The following BRCA1 variants were observed in gnomAD, a reference collection of about 807,000 sequenced individuals.
BRCA1 encodes the protein breast cancer type 1 susceptibility protein.
Under a neutral mutation model 173.7 loss-of-function variants are expected in BRCA1, and 140 were observed. That is an observed-to-expected ratio of 0.81 (90% confidence interval 0.70 to 0.93). BRCA1 has a LOEUF of 0.93. Ranked by LOEUF, BRCA1 falls within the 40% of genes least tolerant of loss-of-function variation. The pLI, the probability that BRCA1 is intolerant of heterozygous loss-of-function variation, is 0.00. For synonymous variants in BRCA1, 662 were observed against 756.0 expected, an observed-to-expected ratio of 0.88 and a Z score of 2.04; for missense variants, 1,983 against 2,172.5, an observed-to-expected ratio of 0.91 and a Z score of 1.73.
intron 19 of BRCA1, among the ~76,000 whole-genome samples, chr17:43,051,331 A>T (rs1360857148): frequency 6.6e-6 from 1 of 152,206 alleles, no homozygotes; most frequent in Non-Finnish European, 1.5e-5. Flanking sequence ...ATCTTCTTGA[A>T]GTGCATATGT....
intron 11 of BRCA1, 139 bp from the exon 12 acceptor site, chr17:43,082,714 C>G: frequency 1.1e-6 from 1 of 899,978 alleles, no homozygotes; most frequent in African/African-American, 1.7e-5. Context: ...AGCTGAACAC[C>G]TTTTAATCTA....
At chr17:43,067,768 C>T (rs2153724295) in intron 15 of BRCA1, 73 bp from the exon 16 acceptor site, 10 of 1,159,712 alleles carry the variant, frequency 8.6e-6, no homozygotes, top group Middle Eastern at 2.5e-4. Context: ...GTTATTCCAC[C>T]ATGGCATATG....
intron 19 of BRCA1, among the ~76,000 whole-genome samples, chr17:43,051,441 G>A (rs1297778158): frequency 6.6e-6 from 1 of 152,138 alleles, no homozygotes; most frequent in Non-Finnish European, 1.5e-5. Flanking sequence ...GATCTCTGCA[G>A]GTGCTTTAAC....
At chr17:43,128,297 G>A (rs1272952966), upstream of BRCA1, among the ~76,000 whole-genome samples, 5 of 151,424 alleles carry the variant, frequency 3.3e-5, no homozygotes, top group East Asian at 1.9e-4. Flanking sequence ...CAGACATGCC[G>A]CCTTAAGAGC....
rs557522467 is a variant in BRCA1, at chr17:43,050,230, C to T, written c.5332+833G>A. The stretch of plus-strand genomic sequence containing the variant: ...AACCAAATTTATACACACACCAAGG[C>T]CTTTGTGCTGCGCAACTCCAGAGGT... On this transcript the variant is annotated intron_variant, in intron 20 of 22. Transcript: ENST00000357654. 8 of 397,282 alleles carry T rather than the reference C, an allele frequency of 2.0e-5. No individual in the cohort carries two copies. In the South Asian group the frequency reaches 1.1e-3, roughly 53 times the overall value. The allele number at this position is 397,282 out of a possible 1,614,324, so 24.6% of individuals were successfully genotyped here. A position where few individuals can be genotyped will look rare whatever the true frequency, so the allele number is the denominator to read the frequency against.
chr17:43,143,076 G>A (rs1286634957), intron 1 of BRCA1, among the ~76,000 whole-genome samples: 1 of 149,582 alleles, frequency 6.7e-6, no homozygotes, highest in Non-Finnish European at 1.5e-5. Context: ...GTATATATAT[G>A]TGTGTGTGTA....
intron 11 of BRCA1, among the ~76,000 whole-genome samples, chr17:43,089,111 G>T (rs1048036768): frequency 2.0e-5 from 3 of 152,008 alleles, no homozygotes; most frequent in African/African-American, 7.3e-5. Flanking sequence ...TCAGGAGTTC[G>T]AGACGAGCCT....
In BRCA1 at chr17:43,090,419, G is replaced by C. The variant is rs145781396; in HGVS notation, c.4185+525C>G. Among the ~76,000 whole-genome samples, 434 of 152,280 alleles carry C rather than the reference G, an allele frequency of 2.9e-3. 3 individuals carry two copies. The highest frequency in any genetic ancestry group is 9.9e-3 in the African/African-American group (411 of 41,556). On this transcript the variant is annotated intron_variant, in intron 11 of 22. Coordinates refer to ENST00000357654, the MANE Select transcript of BRCA1 (RefSeq NM_007294.4). ...GATGGAGTCTCACTTTGTCACCCAG[G>C]CTGGAGTGCAGTGGTACAATCCCAG...
rs397508934 is a variant in BRCA1 at position 43,093,481 on chromosome 17, G to A, written c.2050C>T (p.Pro684Ser). The A allele has an allele frequency of 1.5e-5, 24 of 1,613,914 alleles. No homozygotes were observed. Among genetic ancestry groups the A allele is most frequent in the Non-Finnish European group, 1.9e-5 (23 of 1,179,994 alleles). The change falls in exon 10 of 23, where the codon CCA becomes TCA. Residue 684 changes from proline (P) to serine (S), a missense_variant. Pro to Ser is a moderately conservative substitution (Grantham distance 74). Coordinates refer to ENST00000357654, the MANE Select transcript of BRCA1 (RefSeq NM_007294.4). The part of the protein sequence containing the change: ...PATGAKKSNK[P>S]NEQTSKRHDS... ...TGTCTTTTACTTGTCTGTTCATTTG[G>A]CTTGTTACTCTTCTTGGCTCCAGTT...
chr17:43,079,410 G>C (rs560287183), intron 12 of BRCA1: 4 of 1,592,934 alleles, frequency 2.5e-6, no homozygotes, highest in Admixed American at 1.7e-5. Flanking sequence ...CTGTAAGAAA[G>C]GTGAAATTGT....
chr17:43,145,745 T>G (rs1480273803), intron 1 of BRCA1, among the ~76,000 whole-genome samples: 2 of 151,832 alleles, frequency 1.3e-5, no homozygotes, highest in Non-Finnish European at 2.9e-5. Flanking sequence ...ATGCTTTTTT[T>G]TAAGAGGTGA....
At chr17:43,157,983 G>A (rs1327822129) in intron 1 of BRCA1, among the ~76,000 whole-genome samples, 6 of 131,798 alleles carry the variant, frequency 4.6e-5, no homozygotes, top group Non-Finnish European at 9.4e-5. Context: ...CAACAAGAGC[G>A]AAACTCTGTC....
intron 1 of BRCA1, among the ~76,000 whole-genome samples, chr17:43,133,749 C>T (rs999621957): frequency 5.3e-5 from 8 of 151,932 alleles, no homozygotes; most frequent in Non-Finnish European, 8.8e-5. Context: ...ATTATCATAC[C>T]TTAGCCTCCT....
intron 13 of BRCA1, among the ~76,000 whole-genome samples, chr17:43,075,260 T>C (rs2052659655): frequency 1.3e-5 from 2 of 152,150 alleles, no homozygotes; most frequent in Admixed American, 1.3e-4. Context: ...ACTCATTCTT[T>C]CTACTCAGTT....
chr17:43,099,323 T>G (rs1286005510), intron 7 of BRCA1, among the ~76,000 whole-genome samples: 1 of 151,582 alleles, frequency 6.6e-6, no homozygotes, highest in African/African-American at 2.4e-5. Flanking sequence ...CAGGCTGGAG[T>G]GCAATGGTGC....
In BRCA1 at chr17:43,064,991, C is replaced by T. The variant is rs950698498; in HGVS notation, c.5075-1040G>A. ...GACTACAGATGCCCGCCACCATGCCCGGCTAATTTTTTGTATTTTTACTAG... is the reference window on the plus strand; with the variant it reads ...GACTACAGATGCCCGCCACCATGCCTGGCTAATTTTTTGTATTTTTACTAG... On this transcript the variant is annotated intron_variant, in intron 16 of 22. Transcript: ENST00000357654. 4.6e-5 allele frequency among the ~76,000 whole-genome samples: 7 copies of T among 151,962 alleles called. No homozygotes were observed. The South Asian group carries it at 8.3e-4, about 18-fold the overall frequency.
At chr17:43,127,513 C>T (rs982301417), upstream of BRCA1, among the ~76,000 whole-genome samples, 28 of 152,110 alleles carry the variant, frequency 1.8e-4, no homozygotes, top group Admixed American at 3.9e-4. Context: ...GGTTTGTAAA[C>T]GCACCAATCA....
intron 1 of BRCA1, among the ~76,000 whole-genome samples, chr17:43,158,301 T>C (rs913753373): frequency 6.6e-6 from 1 of 152,202 alleles, no homozygotes; most frequent in Non-Finnish European, 1.5e-5. Flanking sequence ...AAAGCAGTTT[T>C]TTCCTACAAT....
intron 5 of BRCA1, 31 bp downstream of exon 5, chr17:43,104,837 G>C (rs761913715): frequency 6.3e-7 from 1 of 1,577,872 alleles, no homozygotes. Flanking sequence ...GACAGCACTT[G>C]AGTGTCATTC....
Sources: gnomAD v4.1 joint callset for allele counts (sites outside exome capture counted in the v4.1 genomes callset) on GRCh38, gnomAD v4.1.1 for gene constraint, MANE v1.5 for transcripts, NCBI Gene and HGNC (gene_info 2026-07-23, HGNC 2026-07-21) for gene names.